IRF2BP1: variants seen among roughly 807,000 people sequenced by gnomAD.
IRF2BP1 encodes the protein interferon regulatory factor 2 binding protein 1, also known as interferon regulatory factor 2-binding protein 1.
A neutral mutation model predicts 38.6 loss-of-function variants in IRF2BP1; 9 were observed. That is an observed-to-expected ratio of 0.23 (90% CI 0.14 to 0.41). The LOEUF (loss-of-function observed/expected upper bound fraction) is 0.41. IRF2BP1 is among the 10% of genes least tolerant of loss of function. The pLI is 1.00. For synonymous variants in IRF2BP1, 416 were observed against 383.4 expected (o/e 1.08, Z -0.99); for missense variants, 631 against 829.6 (o/e 0.76, Z 2.94).
chr19:45,885,850 T>G lies in IRF2BP1; in HGVS notation c.-76A>C. On this transcript the variant is annotated 5_prime_UTR_variant, in exon 1 of 1. Coordinates refer to ENST00000302165, the MANE Select transcript of IRF2BP1 (RefSeq NM_015649.3). ...TGCGATCCGCGCCGCCAACGTTCGA[T>G]CCGCGTCCCGGGGACAGCGCGAGCC... 7.1e-7 allele frequency: 1 copy of G among 1,412,698 alleles called. No homozygotes were observed. The highest frequency in any genetic ancestry group is 9.2e-7 in the Non-Finnish European group (1 of 1,086,768). The allele number at this position is 1,412,698 out of a possible 1,614,324, so 87.5% of individuals were successfully genotyped here.
rs973378742 is a variant in IRF2BP1 at position 45,884,116 on chromosome 19, C to T, written c.1659G>A (p.Pro553=). ...EVYCPSGDKC[P]LVGSSVPWAF... ...CCCAGGGCACGGAGGAGCCGACCAG[C>T]GGGCACTTGTCTCCGCTCGGGCAGT... is the stretch of plus-strand genomic sequence containing the variant. Residue 553 remains proline (P), a synonymous_variant, in exon 1 of 1, where the codon CCG becomes CCA. Transcript: ENST00000302165. 6.2e-7 allele frequency: 1 copy of T among 1,613,114 alleles called. No individual in the cohort carries two copies.
chr19:45,885,926 C>A lies in IRF2BP1; in HGVS notation c.-152G>T. On this transcript the variant is annotated 5_prime_UTR_variant, in exon 1 of 1. The change creates a new upstream start codon in the 5' untranslated region. Coordinates refer to ENST00000302165, the MANE Select transcript of IRF2BP1 (RefSeq NM_015649.3). ...CCCGCCGGATCCAGGCCCGGCCCCCCTTCCCCGCCCCCTGGGCCCTAAGCC... is the reference window on the plus strand; with the variant it reads ...CCCGCCGGATCCAGGCCCGGCCCCCATTCCCCGCCCCCTGGGCCCTAAGCC... 1 of 879,500 alleles carries A rather than the reference C, an allele frequency of 1.1e-6. No individual in the cohort carries two copies. Among genetic ancestry groups the A allele is most frequent in the Non-Finnish European group, 1.6e-6 (1 of 629,078 alleles). The allele number at this position is 879,500 out of a possible 1,614,324, so 54.5% of individuals were successfully genotyped here.
At position 45,884,159 on chromosome 19, in the gene IRF2BP1, C is replaced by A. The variant is rs1240958697; in HGVS notation, c.1616G>T (p.Gly539Val). The change falls in exon 1 of 1, where the codon GGC becomes GTC. Residue 539 changes from glycine (G) to valine (V), a missense_variant. By Grantham distance (109) the Gly-to-Val change is moderately radical. Around this residue, in one of 5 missense-constraint regions of IRF2BP1, gnomAD observed 58 missense variants for 108.4 expected, o/e 0.54. Transcript: ENST00000302165. ...CGGGCAGTACACCTCCCCGGCCGGG[C>A]CCTGCGCCTTGATGAACTCCCGGGA... is the stretch of plus-strand genomic sequence containing the variant. ...PCSREFIKAQ[G>V]PAGEVYCPSG... 1 of 1,613,062 alleles carries A rather than the reference C, an allele frequency of 6.2e-7. No individual in the cohort carries two copies. Among genetic ancestry groups the A allele is most frequent in the African/African-American group, 1.3e-5 (1 of 74,922 alleles).
Position 45,885,151 on chromosome 19 carries a change from C to T in IRF2BP1, c.624G>A (p.Leu208=). 2 of 1,610,858 alleles carry T rather than the reference C, an allele frequency of 1.2e-6. No homozygotes were observed. The highest frequency in any genetic ancestry group is 1.7e-6 in the Non-Finnish European group (2 of 1,180,016). The change falls in exon 1 of 1, where the codon CTG becomes CTA. Residue 208 remains leucine (L), a synonymous_variant. Transcript: ENST00000302165. ...KEKQQRNADC[L]AELNEAMRGR... is the part of the protein sequence containing the mutation. ...CTCGCATGGCCTCGTTCAGTTCTGC[C>T]AGACAGTCCGCATTCCTCTGCTGCT...
chr19:45,884,311 C>T lies in IRF2BP1; in HGVS notation c.1464G>A (p.Gly488=). The T allele has an allele frequency of 1.9e-6, 3 of 1,610,482 alleles. No individual in the cohort carries two copies. The highest frequency in any genetic ancestry group is 2.5e-6 in the Non-Finnish European group (3 of 1,179,216). ...GGGTCGCCCCAGTGCCGCTGCCACC[C>T]CCGCTGACAGCTTCGGCCCCCGCTG... ...SPTAGAEAVS[G]GGSGTGATPG... The change falls in exon 1 of 1, where the codon GGG becomes GGA. Residue 488 remains glycine, a synonymous_variant. Transcript: ENST00000302165.
At position 45,884,116 on chromosome 19, in the gene IRF2BP1, C is replaced by A. The variant is rs973378742; in HGVS notation, c.1659G>T (p.Pro553=). 1 of 1,613,114 alleles carries A rather than the reference C, an allele frequency of 6.2e-7. No homozygotes were observed. Among genetic ancestry groups the A allele is most frequent in the East Asian group, 2.2e-5 (1 of 44,846 alleles). ...EVYCPSGDKC[P]LVGSSVPWAF... is the part of the protein sequence containing the mutation. Reference sequence around the variant, plus strand: ...CCCAGGGCACGGAGGAGCCGACCAGCGGGCACTTGTCTCCGCTCGGGCAGT... The same window carrying A: ...CCCAGGGCACGGAGGAGCCGACCAGAGGGCACTTGTCTCCGCTCGGGCAGT... Residue 553 remains proline (P), a synonymous_variant, in exon 1 of 1, where the codon CCG becomes CCT. Coordinates refer to ENST00000302165, the MANE Select transcript of IRF2BP1 (RefSeq NM_015649.3).
In IRF2BP1 at chr19:45,885,138, C is replaced by CGTTCA; in HGVS notation, c.632_636dup (p.Glu213Ter). On this transcript the variant is annotated stop_gained and frameshift_variant, in exon 1 of 1. Transcript: ENST00000302165. LOFTEE classifies it high-confidence loss of function. ...TCCTCTGCCCGGCCTCGCATGGCCT[C>CGTTCA]GTTCAGTTCTGCCAGACAGTCCGCA... The CGTTCA allele has an allele frequency of 6.2e-7, 1 of 1,611,068 alleles. No individual in the cohort carries two copies. Among genetic ancestry groups the CGTTCA allele is most frequent in the Non-Finnish European group, 8.5e-7 (1 of 1,180,022 alleles).
chr19:45,884,683 G>A lies in IRF2BP1; in HGVS notation c.1092C>T (p.Gly364=), dbSNP rs200198801. 0.02 allele frequency: 32,233 copies of A among 1,604,714 alleles called. 395 individuals carry two copies. The highest frequency in any genetic ancestry group is 0.024 in the Non-Finnish European group (28,139 of 1,177,556). ...TCCGGGATGGGGCTCGCGGGGGTGG[G>A]CCACAGAGAGCCGCAGGGGCCGGCT... is the stretch of plus-strand genomic sequence containing the variant. The part of the protein sequence containing the change: ...YPEPAPAALC[G]PPPRAPSRNL... Residue 364 remains glycine (G), a synonymous_variant, in exon 1 of 1, where the codon GGC becomes GGT. Transcript: ENST00000302165.
chr19:45,885,283 A>AG lies in IRF2BP1; in HGVS notation c.491dup (p.Gly165TrpfsTer155). The stretch of plus-strand genomic sequence containing the variant: ...CAGACACTGCAGCTGCCAGCAGCCC[A>AG]GGGGGCATCAAGCCAGGCATGGAGC... On this transcript the variant is annotated frameshift_variant, in exon 1 of 1. Transcript: ENST00000302165. LOFTEE classifies it high-confidence loss of function. 1 of 1,603,396 alleles carries AG rather than the reference A, an allele frequency of 6.2e-7. No individual in the cohort carries two copies. The highest frequency in any genetic ancestry group is 8.5e-7 in the Non-Finnish European group (1 of 1,179,896).
chr19:45,884,422 GC>G lies in IRF2BP1; in HGVS notation c.1352del (p.Gly451AlafsTer60). 1 of 1,598,534 alleles carries G rather than the reference GC, an allele frequency of 6.3e-7. No homozygotes were observed. On this transcript the variant is annotated frameshift_variant, in exon 1 of 1. Transcript: ENST00000302165. LOFTEE classifies it high-confidence loss of function. ...GGGGGPVRAGGASPAASSTAQ... is the reference protein window; with the variant it reads ...GGGGGPVRAGXASPAASSTAQ... ...CCGTGGAGGAGGCTGCAGGGCTGGC[GC>G]CCCCTGCACGCACAGGCCCCCCGCC...
rs1037535936 is a variant in IRF2BP1 at position 45,883,708 on chromosome 19, T to C, written c.*312A>G. The C allele has an allele frequency of 3.3e-6, 1 of 304,016 alleles. No individual in the cohort carries two copies. Among genetic ancestry groups the C allele is most frequent in the Non-Finnish European group, 6.0e-6 (1 of 165,378 alleles). The allele number at this position is 304,016 out of a possible 1,614,324, so 18.8% of individuals were successfully genotyped here. ...TTTTGCCTCGTTTATAAAGAGCGAG[T>C]TTTCAGGAGGTCCCTTCTCAAGGAG... On this transcript the variant is annotated 3_prime_UTR_variant, in exon 1 of 1. Transcript: ENST00000302165.
chr19:45,884,552 G>C lies in IRF2BP1; in HGVS notation c.1223C>G (p.Pro408Arg). 1 of 1,599,748 alleles carries C rather than the reference G, an allele frequency of 6.3e-7. No homozygotes were observed. Among genetic ancestry groups the C allele is most frequent in the Non-Finnish European group, 8.5e-7 (1 of 1,179,480 alleles). ...GGTCTCAGCGGAGTACGGGCCGCCG[G>C]GTGCCACCCAGTGCCGTTGCTGCTG... ...EEQQQRHWVA[P>R]GGPYSAETPG... is the part of the protein sequence containing the mutation. Residue 408 changes from proline (P) to arginine (R), a missense_variant, in exon 1 of 1, where the codon CCC becomes CGC. This residue lies in a region of IRF2BP1 where 201 missense variants were observed against 215.3 expected (regional missense o/e 0.93). Coordinates refer to ENST00000302165, the MANE Select transcript of IRF2BP1 (RefSeq NM_015649.3).
Position 45,885,883 on chromosome 19 carries a change from G to T in IRF2BP1, c.-109C>A, listed in dbSNP as rs1330224106. The T allele has an allele frequency of 2.3e-6, 3 of 1,286,826 alleles. No individual in the cohort carries two copies. The highest frequency in any genetic ancestry group is 1.0e-6 in the Non-Finnish European group (1 of 996,326). 79.7% of individuals were successfully genotyped at this position (1,286,826 alleles called of 1,614,324 possible). ...CCGGGGACAGCGCGAGCCACGGTCC[G>T]GCCTCCGGCTCGGCCTCCCCGCCGG... On this transcript the variant is annotated 5_prime_UTR_variant, in exon 1 of 1. Coordinates refer to ENST00000302165, the MANE Select transcript of IRF2BP1 (RefSeq NM_015649.3).
Position 45,884,273 on chromosome 19 carries a change from AG to A in IRF2BP1, c.1501del (p.Leu501CysfsTer10). On this transcript the variant is annotated frameshift_variant, in exon 1 of 1. Coordinates refer to ENST00000302165, the MANE Select transcript of IRF2BP1 (RefSeq NM_015649.3). LOFTEE classifies it high-confidence loss of function. ...SGTGATPGAP[L>X]CCTLCRERLE... Reference sequence around the variant, plus strand: ...CCGCTCCCTGCACAGGGTACAGCACAGGGGGGCCCCAGGGGTCGCCCCAGTG... The same window carrying A: ...CCGCTCCCTGCACAGGGTACAGCACAGGGGGCCCCAGGGGTCGCCCCAGTG... 6.2e-7 allele frequency: 1 copy of A among 1,609,996 alleles called. No individual in the cohort carries two copies. Among genetic ancestry groups the A allele is most frequent in the Non-Finnish European group, 8.5e-7 (1 of 1,178,632 alleles).
chr19:45,884,110 G>A lies in IRF2BP1; in HGVS notation c.1665C>T (p.Val555=), dbSNP rs1228539719. ...YCPSGDKCPL[V]GSSVPWAFMQ... ...TGAAGGCCCAGGGCACGGAGGAGCC[G>A]ACCAGCGGGCACTTGTCTCCGCTCG... The change falls in exon 1 of 1, where the codon GTC becomes GTT. Residue 555 remains valine, a synonymous_variant. Transcript: ENST00000302165. 5.0e-6 allele frequency: 8 copies of A among 1,612,976 alleles called. No homozygotes were observed. Among genetic ancestry groups the A allele is most frequent in the Non-Finnish European group, 6.8e-6 (8 of 1,179,564 alleles).
In IRF2BP1 at chr19:45,885,361, A is replaced by G. The variant is rs1967041077; in HGVS notation, c.414T>C (p.Asn138=). 3 of 1,608,882 alleles carry G rather than the reference A, an allele frequency of 1.9e-6. No homozygotes were observed. Among genetic ancestry groups the G allele is most frequent in the African/African-American group, 2.7e-5 (2 of 75,018 alleles). Residue 138 remains asparagine, a synonymous_variant, in exon 1 of 1, where the codon AAT becomes AAC. Transcript: ENST00000302165. The part of the protein sequence containing the change: ...LEYTLGSRLA[N]GLGREEAVAE... ...CCACGGCCTCCTCACGGCCCAGCCC[A>G]TTGGCCAGGCGGGACCCCAGAGTGT...
rs1967050434 is a variant in IRF2BP1 at position 45,885,935 on chromosome 19, C to T, written c.-161G>A. On this transcript the variant is annotated 5_prime_UTR_variant, in exon 1 of 1. Coordinates refer to ENST00000302165, the MANE Select transcript of IRF2BP1 (RefSeq NM_015649.3). The stretch of plus-strand genomic sequence containing the variant: ...TCCAGGCCCGGCCCCCCTTCCCCGC[C>T]CCCTGGGCCCTAAGCCTTTCTGCTC... The T allele has an allele frequency of 1.2e-6, 1 of 804,476 alleles. No homozygotes were observed. Among genetic ancestry groups the T allele is most frequent in the Non-Finnish European group, 1.8e-6 (1 of 561,262 alleles). The allele number at this position is 804,476 out of a possible 1,614,324, so 49.8% of individuals were successfully genotyped here. A position where few individuals can be genotyped will look rare whatever the true frequency, so the allele number is the denominator to read the frequency against.
rs1967040884 is a variant in IRF2BP1, at chr19:45,885,347, T to A, written c.428A>T (p.Glu143Val). The A allele has an allele frequency of 1.2e-6, 2 of 1,608,118 alleles. No homozygotes were observed. The highest frequency in any genetic ancestry group is 1.7e-6 in the Non-Finnish European group (2 of 1,179,690). ...GSRLANGLGR[E>V]EAVAEGARRA... is the part of the protein sequence containing the mutation. Reference sequence around the variant, plus strand: ...TCGCGCCCCCTCAGCCACGGCCTCCTCACGGCCCAGCCCATTGGCCAGGCG... The same window carrying A: ...TCGCGCCCCCTCAGCCACGGCCTCCACACGGCCCAGCCCATTGGCCAGGCG... Residue 143 changes from glutamate to valine, a missense_variant, in exon 1 of 1, where the codon GAG (glutamate) becomes GTG (valine). Glu to Val is a moderately radical substitution (Grantham distance 121, BLOSUM62 -2). Coordinates refer to ENST00000302165, the MANE Select transcript of IRF2BP1 (RefSeq NM_015649.3).
In IRF2BP1 at chr19:45,884,417, C is replaced by T. The variant is rs1967028132; in HGVS notation, c.1358G>A (p.Ser453Asn). The T allele has an allele frequency of 6.3e-7, 1 of 1,599,084 alleles. No individual in the cohort carries two copies. ...GGGPVRAGGA[S>N]PAASSTAQPP... is the part of the protein sequence containing the mutation. Reference sequence around the variant, plus strand: ...CTGGGCCGTGGAGGAGGCTGCAGGGCTGGCGCCCCCTGCACGCACAGGCCC... The same window carrying T: ...CTGGGCCGTGGAGGAGGCTGCAGGGTTGGCGCCCCCTGCACGCACAGGCCC... Residue 453 changes from serine to asparagine, a missense_variant, in exon 1 of 1, where the codon AGC becomes AAC. Ser to Asn is a conservative substitution (Grantham distance 46). Around this residue, in one of 5 missense-constraint regions of IRF2BP1, gnomAD observed 201 missense variants for 215.3 expected, o/e 0.93. Coordinates refer to ENST00000302165, the MANE Select transcript of IRF2BP1 (RefSeq NM_015649.3).
Sources: gnomAD v4.1 joint callset for allele counts on GRCh38, gnomAD v4.1.1 for gene constraint, gnomAD v4.1.1 regional missense constraint, MANE v1.5 for transcripts, NCBI Gene and HGNC (gene_info 2026-07-23, HGNC 2026-07-21) for gene names.